Variants in ERC1 observed in about 807,000 individuals in gnomAD.
ERC1 encodes the protein ELKS/RAB6-interacting/CAST family member 1.
A neutral mutation model predicts 132.0 loss-of-function variants in ERC1; 56 were observed. The observed-to-expected ratio is 0.42, with a 90% CI of 0.34 to 0.53. The LOEUF is 0.53. ERC1 is among the 20% of genes least tolerant of loss of function. ERC1 has a pLI of 0.03. For missense variants in ERC1, 1,202 were observed against 1,349.9 expected, an observed-to-expected ratio of 0.89 and a Z score of 1.72; for synonymous variants, 478 against 476.1, an observed-to-expected ratio of 1.00 and a Z score of -0.05.
At chr12:1,467,361 C>A (rs1318912799) in intron 18 of ERC1, among the ~76,000 whole-genome samples, 1 of 151,988 alleles carries the variant, frequency 6.6e-6, no homozygotes, top group Non-Finnish European at 1.5e-5. Flanking sequence ...CTTAGCGTGC[C>A]CAGTGTATCT....
intron 1 of ERC1, among the ~76,000 whole-genome samples, chr12:1,003,832 C>A (rs181348544): frequency 3.3e-5 from 5 of 152,142 alleles, no homozygotes; most frequent in African/African-American, 1.2e-4. Flanking sequence ...GATCTTTGTC[C>A]CACATACCAA....
At chr12:1,488,523 C>T (rs1001575735) in intron 18 of ERC1, among the ~76,000 whole-genome samples, 4 of 152,000 alleles carry the variant, frequency 2.6e-5, no homozygotes, top group African/African-American at 9.7e-5. Flanking sequence ...CCCATCTCTC[C>T]AAAAAATTAA....
chr12:1,329,887 G>A (rs1033852566), intron 15 of ERC1, among the ~76,000 whole-genome samples: 1 of 152,160 alleles, frequency 6.6e-6, no homozygotes, highest in African/African-American at 2.4e-5. Context: ...AAGCTCCCAG[G>A]ACTTTTGACC....
intron 13 of ERC1, among the ~76,000 whole-genome samples, chr12:1,247,305 G>A (rs2076215465): frequency 6.6e-6 from 1 of 152,044 alleles, no homozygotes; most frequent in Non-Finnish European, 1.5e-5. Context: ...GAAAAACAAT[G>A]AAAGTAAGGT....
chr12:1,067,156 T>C (rs1255140752), intron 2 of ERC1, among the ~76,000 whole-genome samples: 2 of 152,180 alleles, frequency 1.3e-5, no homozygotes, highest in African/African-American at 4.8e-5. Context: ...CGATGTTAGA[T>C]GTTTTAAGTT....
At chr12:1,096,980 A>G (rs1392267553) in intron 3 of ERC1, among the ~76,000 whole-genome samples, 3 of 152,174 alleles carry the variant, frequency 2.0e-5, no homozygotes, top group Admixed American at 1.3e-4. Context: ...CTTGTATTAT[A>G]TGTTAAATTA....
At chr12:1,142,925 G>A (rs1294012468) in intron 8 of ERC1, among the ~76,000 whole-genome samples, 1 of 152,164 alleles carries the variant, frequency 6.6e-6, no homozygotes, top group African/African-American at 2.4e-5. Flanking sequence ...TTGAGATGGA[G>A]TCTCACTTTG....
intron 9 of ERC1, among the ~76,000 whole-genome samples, chr12:1,181,580 T>C (rs1391084034): frequency 1.3e-5 from 2 of 151,880 alleles, no homozygotes; most frequent in Non-Finnish European, 2.9e-5. Flanking sequence ...GGGTGGATCA[T>C]CTGAGGTCAG....
intron 12 of ERC1, among the ~76,000 whole-genome samples, chr12:1,215,666 T>TA (rs1485231374): frequency 1.3e-5 from 2 of 152,174 alleles, no homozygotes; most frequent in Non-Finnish European, 2.9e-5. Context: ...TTTGCCAAGA[T>TA]ACTGCCATTT....
chr12:1,296,026 A>C (rs976503763), intron 15 of ERC1, among the ~76,000 whole-genome samples: 2 of 150,824 alleles, frequency 1.3e-5, no homozygotes, highest in Admixed American at 6.6e-5. Flanking sequence ...AAAAAAAAAA[A>C]CAACTAAATT....
chr12:1,084,289 A>G (rs1409951716), intron 3 of ERC1, among the ~76,000 whole-genome samples: 1 of 152,250 alleles, frequency 6.6e-6, no homozygotes, highest in Non-Finnish European at 1.5e-5. Flanking sequence ...GTTGGACTTC[A>G]GGTAATTTTC....
At chr12:1,171,224 T>C (rs17800858) in intron 8 of ERC1, among the ~76,000 whole-genome samples, 3,358 of 152,304 alleles carry the variant, frequency 0.022, 50 homozygotes, top group East Asian at 0.073. Context: ...TATGAAAACT[T>C]TTAAAAACCC....
In ERC1 at chr12:1,141,666, A is replaced by G; in HGVS notation, c.1616A>G (p.Asn539Ser). The part of the protein sequence containing the change: ...LRLEEKETML[N>S]KKTKQIQDMA... ...TTGGAAGAGAAGGAAACCATGTTGA[A>G]TAAAAAGACAAAACAAATTCAGGAT... Residue 539 changes from asparagine (N) to serine (S), a missense_variant, in exon 8 of 19, where the codon AAT (asparagine) becomes AGT (serine). Asn to Ser is a conservative substitution (Grantham distance 46). Coordinates refer to ENST00000360905, the MANE Select transcript of ERC1 (RefSeq NM_178040.4). The G allele has an allele frequency of 1.2e-6, 2 of 1,613,556 alleles. No homozygotes were observed. The highest frequency in any genetic ancestry group is 2.2e-5 in the South Asian group (2 of 90,972).
At chr12:1,145,264 G>A (rs1213069076) in intron 8 of ERC1, among the ~76,000 whole-genome samples, 8 of 152,020 alleles carry the variant, frequency 5.3e-5, no homozygotes, top group Non-Finnish European at 8.8e-5. Flanking sequence ...TGATCCACCC[G>A]CCTCGGCCTC....
chr12:1,008,010 CCCG>C (rs1964022901), intron 1 of ERC1, among the ~76,000 whole-genome samples: 1 of 152,076 alleles, frequency 6.6e-6, no homozygotes, highest in South Asian at 2.1e-4. Context: ...CTTTCTTTTC[CCCG>C]CCAGAGGAGA....
chr12:1,057,334 G>A, intron 2 of ERC1, among the ~76,000 whole-genome samples: 1 of 152,012 alleles, frequency 6.6e-6, no homozygotes, highest in Non-Finnish European at 1.5e-5. Flanking sequence ...CTGTTGGCCA[G>A]GGTGGTCTCA....
intron 7 of ERC1, among the ~76,000 whole-genome samples, chr12:1,117,896 A>G (rs1012653815): frequency 4.6e-5 from 7 of 152,220 alleles, no homozygotes; most frequent in African/African-American, 1.7e-4. Flanking sequence ...AGATAATGTT[A>G]CCTGCAAAGT....
rs2075335838 is a variant in ERC1, at chr12:1,235,261, A to G, written c.2352-1508A>G. On this transcript the variant is annotated intron_variant, in intron 12 of 18. Transcript: ENST00000360905. ...GTAATTCCAGCTGTTCAGGAGGCTG[A>G]GGTGGGAGAATCACCTGAGCCTGGG... Among the ~76,000 whole-genome samples, 4 of 152,204 alleles carry G rather than the reference A, an allele frequency of 2.6e-5. No individual in the cohort carries two copies. In the South Asian group the frequency reaches 8.3e-4, roughly 32 times the overall value.
intron 13 of ERC1, among the ~76,000 whole-genome samples, chr12:1,239,779 G>A (rs1439141290): frequency 6.6e-6 from 1 of 152,134 alleles, no homozygotes; most frequent in Non-Finnish European, 1.5e-5. Flanking sequence ...CTCATTCCAG[G>A]ATTAGAGCAA....
Sources: allele counts gnomAD v4.1 joint callset (sites outside exome capture counted in the v4.1 genomes callset), GRCh38; gene constraint gnomAD v4.1.1; transcripts MANE v1.5; gene names NCBI Gene and HGNC (gene_info 2026-07-23, HGNC 2026-07-21).